Variants in PHTF2 observed in about 807,000 individuals in gnomAD.
The protein encoded by PHTF2 is putative homeodomain transcription factor 2, also known as protein PHTF2.
PHTF2 carries 60 observed loss-of-function variants against 101.2 expected under a neutral mutation model. That is an observed-to-expected ratio of 0.59 (90% CI 0.48 to 0.73). PHTF2 has a LOEUF of 0.73. PHTF2 is among the 30% of genes least tolerant of loss of function. The pLI is 0.00. For synonymous variants in PHTF2, 311 were observed against 307.3 expected (o/e 1.01, Z -0.13); for missense variants, 747 against 908.7 (o/e 0.82, Z 2.29).
At chr7:77,917,382 T>C (rs888965889) in intron 9 of PHTF2, among the ~76,000 whole-genome samples, 2 of 152,240 alleles carry the variant, frequency 1.3e-5, no homozygotes, top group African/African-American at 2.4e-5. Flanking sequence ...CTTGTTGCGA[T>C]TGGGGTGTTG....
At chr7:77,875,368 A>G (rs759743133) in intron 3 of PHTF2, among the ~76,000 whole-genome samples, 14 of 151,856 alleles carry the variant, frequency 9.2e-5, no homozygotes, top group Admixed American at 2.6e-4. Context: ...GTGTGTGTGT[A>G]TGTGTGTGTT....
intron 5 of PHTF2, among the ~76,000 whole-genome samples, chr7:77,898,943 G>A (rs1244960941): frequency 6.6e-6 from 1 of 152,086 alleles, no homozygotes; most frequent in Non-Finnish European, 1.5e-5. Flanking sequence ...TGGGATTACA[G>A]GCGAGTGCCA....
chr7:77,904,858 G>T lies in PHTF2; in HGVS notation c.445+2938G>T, dbSNP rs552811143. ...TTAGTTCATAACAGGTATTTTCATTGTTTCTTTATATGTCTCTTCTTTCCT... is the reference window on the plus strand; with the variant it reads ...TTAGTTCATAACAGGTATTTTCATTTTTTCTTTATATGTCTCTTCTTTCCT... On this transcript the variant is annotated intron_variant, in intron 7 of 19. Coordinates refer to ENST00000416283, the Ensembl canonical transcript of PHTF2. 1.2e-4 allele frequency among the ~76,000 whole-genome samples: 19 copies of T among 152,296 alleles called. No homozygotes were observed. In the South Asian group the frequency reaches 3.9e-3, roughly 32 times the overall value.
At chr7:77,903,611 T>G (rs1345844719) in intron 7 of PHTF2, among the ~76,000 whole-genome samples, 1 of 152,214 alleles carries the variant, frequency 6.6e-6, no homozygotes, top group Non-Finnish European at 1.5e-5. Context: ...AATGAGATAT[T>G]TTTAAGTTCA....
At chr7:77,907,833 A>AATT (rs1416015812) in intron 7 of PHTF2, 2 of 152,184 alleles carry the variant, frequency 1.3e-5, no homozygotes, top group African/African-American at 4.8e-5. Flanking sequence ...AAAATCTTAT[A>AATT]ATATTTACAT....
chr7:77,949,685 A>G (rs764239937), exon 17 of PHTF2: 5 of 1,559,826 alleles, frequency 3.2e-6, no homozygotes, highest in Non-Finnish European at 3.5e-6. Context: ...TAGCTACTTC[A>G]TGTACACGAG....
intron 3 of PHTF2, among the ~76,000 whole-genome samples, chr7:77,871,448 C>T (rs1303069591): frequency 1.3e-5 from 2 of 152,184 alleles, no homozygotes; most frequent in Non-Finnish European, 2.9e-5. Context: ...TGTGTCTCCT[C>T]TTGGCAGTGT....
At chr7:77,843,412 T>C (rs778936380) in intron 2 of PHTF2, among the ~76,000 whole-genome samples, 17 of 152,230 alleles carry the variant, frequency 1.1e-4, no homozygotes, top group Non-Finnish European at 1.9e-4. Flanking sequence ...GAACTGACTC[T>C]CCTAGAATTC....
intron 12 of PHTF2, among the ~76,000 whole-genome samples, chr7:77,932,694 T>C (rs1417729204): frequency 1.3e-5 from 2 of 151,416 alleles, no homozygotes; most frequent in Non-Finnish European, 2.9e-5. Flanking sequence ...TCATACTGCC[T>C]TGCCACATTG....
At chr7:77,927,175 A>ATATAT (rs1474086388) in intron 11 of PHTF2, among the ~76,000 whole-genome samples, 1 of 91,902 alleles carries the variant, frequency 1.1e-5, no homozygotes, top group Admixed American at 1.3e-4. Context: ...AAAAAAAAAA[A>ATATAT]AAATATATAT....
intron 9 of PHTF2, among the ~76,000 whole-genome samples, chr7:77,911,679 C>G (rs536615197): frequency 6.6e-6 from 1 of 152,144 alleles, no homozygotes; most frequent in Admixed American, 6.5e-5. Flanking sequence ...GGCATATTTT[C>G]GTTGATTGTA....
At chr7:77,816,856 A>G (rs1051160601) in intron 1 of PHTF2, among the ~76,000 whole-genome samples, 1 of 152,174 alleles carries the variant, frequency 6.6e-6, no homozygotes, top group African/African-American at 2.4e-5. Flanking sequence ...TTCGCTTAAC[A>G]TGATGTCCTC....
chr7:77,943,300 A>G (rs886939697), intron 16 of PHTF2, among the ~76,000 whole-genome samples: 13 of 151,436 alleles, frequency 8.6e-5, no homozygotes, highest in Non-Finnish European at 1.8e-4. Context: ...TATTTTTTGT[A>G]TTTTTTTTAG....
intron 11 of PHTF2, chr7:77,923,670 G>C (rs187287351): frequency 1.0e-6 from 1 of 985,300 alleles, no homozygotes; most frequent in East Asian, 1.1e-4. Flanking sequence ...ATTTGATGTA[G>C]TGTTTCTTGT....
chr7:77,901,609 TTAAAG>T (rs771574575), intron 6 of PHTF2, among the ~76,000 whole-genome samples, 148 bp from the exon 6 acceptor site: 2 of 152,222 alleles, frequency 1.3e-5, no homozygotes, highest in Non-Finnish European at 2.9e-5. Flanking sequence ...TTCAAAATAT[TTAAAG>T]TATCTATAAA....
At chr7:77,876,255 C>T (rs985337028) in intron 3 of PHTF2, among the ~76,000 whole-genome samples, 8 of 152,208 alleles carry the variant, frequency 5.3e-5, no homozygotes, top group Non-Finnish European at 1.0e-4. Flanking sequence ...CAAGGACCAG[C>T]AAATGCTTAA....
At chr7:77,940,266 T>G (rs1310156053) in exon 14 of PHTF2, 1 of 1,613,434 alleles carries the variant, frequency 6.2e-7, no homozygotes, top group Non-Finnish European at 8.5e-7. Flanking sequence ...GGATTTTCTT[T>G]TTTTTGCTCT....
intron 11 of PHTF2, among the ~76,000 whole-genome samples, chr7:77,924,549 A>C (rs1043841208): frequency 6.6e-6 from 1 of 152,234 alleles, no homozygotes; most frequent in African/African-American, 2.4e-5. Flanking sequence ...CAAAGATAGA[A>C]TAGTTTGAAC....
intron 11 of PHTF2, chr7:77,923,241 A>G (rs1465924606): frequency 1.1e-6 from 1 of 880,570 alleles, no homozygotes; most frequent in Non-Finnish European, 1.4e-6. Context: ...TATTTTCTCT[A>G]AACCCTTTTC....
Sources: allele counts gnomAD v4.1 joint callset (sites outside exome capture counted in the v4.1 genomes callset), GRCh38; gene constraint gnomAD v4.1.1; transcripts MANE v1.5; gene names NCBI Gene and HGNC (gene_info 2026-07-23, HGNC 2026-07-21).